The following DENND1A variants were observed in gnomAD, a reference collection of about 807,000 sequenced individuals.
The protein encoded by DENND1A is DENN domain-containing protein 1A.
Under a neutral mutation model 113.7 loss-of-function variants are expected in DENND1A, and 51 were observed. The ratio of observed to expected loss-of-function variants is 0.45; its 90% confidence interval spans 0.36 to 0.57. The LOEUF is 0.57. DENND1A is among the 20% of genes least tolerant of loss of function. DENND1A has a pLI of 0.00. For synonymous variants in DENND1A, 565 were observed against 570.8 expected, an observed-to-expected ratio of 0.99 and a Z score of 0.14; for missense variants, 1,258 against 1,395.9, an observed-to-expected ratio of 0.90 and a Z score of 1.57.
intron 12 of DENND1A, among the ~76,000 whole-genome samples, chr9:123,561,635 C>A (rs562956759): frequency 6.6e-6 from 1 of 152,068 alleles, no homozygotes; most frequent in Non-Finnish European, 1.5e-5. Context: ...TCATTAACAT[C>A]GGGATTCATC....
intron 5 of DENND1A, among the ~76,000 whole-genome samples, chr9:123,721,652 A>G (rs2141148015): frequency 6.6e-6 from 1 of 152,314 alleles, no homozygotes; most frequent in South Asian, 2.1e-4. Context: ...TGCTGTTCTG[A>G]TGATAATGAA....
intron 4 of DENND1A, among the ~76,000 whole-genome samples, chr9:123,758,537 T>C (rs1329252252): frequency 6.6e-6 from 1 of 152,258 alleles, no homozygotes; most frequent in Non-Finnish European, 1.5e-5. Context: ...GCTTAGGTGT[T>C]ACTTTCCTAA....
chr9:123,927,043 C>T (rs1473992741), intron 1 of DENND1A, among the ~76,000 whole-genome samples: 1 of 152,208 alleles, frequency 6.6e-6, no homozygotes, highest in Non-Finnish European at 1.5e-5. Flanking sequence ...GGCCTATAAA[C>T]TCCCATTCTC....
intron 4 of DENND1A, chr9:123,759,463 C>T (rs2131446908): frequency 6.6e-6 from 1 of 152,322 alleles, no homozygotes; most frequent in South Asian, 2.1e-4. Flanking sequence ...CTTGTTCTGT[C>T]ACCCAGGCTG....
intron 5 of DENND1A, among the ~76,000 whole-genome samples, chr9:123,745,081 A>G (rs539086980): frequency 6.6e-6 from 1 of 152,074 alleles, no homozygotes; most frequent in African/African-American, 2.4e-5. Context: ...TGGCCTACTT[A>G]TATTATCTCT....
chr9:123,686,687 T>C (rs1015024718), intron 5 of DENND1A, among the ~76,000 whole-genome samples: 3 of 152,236 alleles, frequency 2.0e-5, no homozygotes, highest in African/African-American at 7.2e-5. Context: ...GTTTCCAGTG[T>C]TTCGTGTCAA....
At chr9:123,604,902 G>T (rs1022257020) in intron 11 of DENND1A, among the ~76,000 whole-genome samples, 1 of 152,176 alleles carries the variant, frequency 6.6e-6, no homozygotes, top group Non-Finnish European at 1.5e-5. Context: ...AACCAGCAAG[G>T]ATTGCTGACC....
intron 5 of DENND1A, among the ~76,000 whole-genome samples, chr9:123,728,919 C>T (rs145406878): frequency 1.8e-4 from 28 of 152,264 alleles, no homozygotes; most frequent in Admixed American, 7.9e-4. Context: ...TTATCCACCA[C>T]GATCAAGTCA....
At chr9:123,744,385 A>C (rs966996657) in intron 5 of DENND1A, among the ~76,000 whole-genome samples, 30 of 152,128 alleles carry the variant, frequency 2.0e-4, no homozygotes, top group African/African-American at 7.0e-4. Context: ...ACTATCCTCT[A>C]TTTCTAGGCC....
chr9:123,525,011 C>T (rs76209054), intron 13 of DENND1A, among the ~76,000 whole-genome samples: 3,833 of 152,316 alleles, frequency 0.025, 77 homozygotes, highest in Non-Finnish European at 0.036. Flanking sequence ...CCTCTTATCG[C>T]TAAGGCGTTC....
In DENND1A at chr9:123,670,108, T is replaced by C. The variant is rs190336616; in HGVS notation, c.453+1183A>G. Among the ~76,000 whole-genome samples, 320 of 152,338 alleles carry C rather than the reference T, an allele frequency of 2.1e-3. 2 individuals are homozygous for C. Among genetic ancestry groups the C allele is most frequent in the African/African-American group, 7.3e-3 (305 of 41,586 alleles). On this transcript the variant is annotated intron_variant, in intron 7 of 23. Coordinates refer to ENST00000394215, the MANE Select transcript of DENND1A (RefSeq NM_001352964.2). ...TATTTAGTATAAATTAGGAATTTAT[T>C]AAAATAGTAGATCTATTATTAATTA... is the stretch of plus-strand genomic sequence containing the variant.
chr9:123,600,107 C>T (rs529827580), intron 11 of DENND1A, among the ~76,000 whole-genome samples: 6 of 152,102 alleles, frequency 3.9e-5, no homozygotes, highest in African/African-American at 1.4e-4. Flanking sequence ...CTCACGTGGC[C>T]GGGCTCAGTT....
At chr9:123,597,662 C>T (rs2059756246) in intron 11 of DENND1A, among the ~76,000 whole-genome samples, 1 of 152,188 alleles carries the variant, frequency 6.6e-6, no homozygotes, top group Admixed American at 6.5e-5. Flanking sequence ...AGAAAGTGCA[C>T]CCCTCCTCCT....
intron 11 of DENND1A, among the ~76,000 whole-genome samples, chr9:123,588,488 C>T (rs1384338307): frequency 6.2e-5 from 9 of 144,426 alleles, no homozygotes; most frequent in Admixed American, 1.4e-4. Flanking sequence ...GGTGTGGTGG[C>T]GGGTGCCTGT....
intron 2 of DENND1A, among the ~76,000 whole-genome samples, chr9:123,802,671 G>A (rs948306556): frequency 1.3e-5 from 2 of 151,560 alleles, no homozygotes; most frequent in Admixed American, 6.6e-5. Flanking sequence ...CTATTCCACA[G>A]GGGCATATAC....
chr9:123,749,192 T>C (rs186144515), intron 5 of DENND1A, among the ~76,000 whole-genome samples: 137 of 152,330 alleles, frequency 9.0e-4, no homozygotes, highest in African/African-American at 3.2e-3. Context: ...AACAAAAATC[T>C]TCCTGTCTCA....
chr9:123,905,923 C>G (rs1238633455), intron 1 of DENND1A, among the ~76,000 whole-genome samples: 2 of 150,782 alleles, frequency 1.3e-5, no homozygotes, highest in African/African-American at 2.4e-5. Context: ...AGCACCACAC[C>G]ACACCTATTC....
intron 1 of DENND1A, among the ~76,000 whole-genome samples, chr9:123,904,664 G>C (rs1392665725): frequency 8.0e-5 from 12 of 150,640 alleles, no homozygotes; most frequent in African/African-American, 3.0e-4. Context: ...AGAGAAAAAA[G>C]AATAAAAAGA....
intron 9 of DENND1A, among the ~76,000 whole-genome samples, chr9:123,636,703 T>TA (rs1297317648): frequency 6.6e-6 from 1 of 150,390 alleles, no homozygotes; most frequent in Non-Finnish European, 1.5e-5. Flanking sequence ...CAGACTTTTT[T>TA]TTTTTTTTTT....
Sources: allele counts gnomAD v4.1 joint callset (sites outside exome capture counted in the v4.1 genomes callset), GRCh38; gene constraint gnomAD v4.1.1; transcripts MANE v1.5; gene names NCBI Gene and HGNC (gene_info 2026-07-23, HGNC 2026-07-21).